ATRNL1: variants seen among roughly 807,000 people sequenced by gnomAD.
ATRNL1 encodes the protein attractin-like protein 1.
ATRNL1 carries 95 observed loss-of-function variants against 182.7 expected under a neutral mutation model. The observed-to-expected ratio is 0.52, with a 90% confidence interval of 0.44 to 0.62. ATRNL1 has a LOEUF of 0.62. Among genes scored for constraint, ATRNL1 ranks in the 20% least tolerant of loss-of-function variants. The probability of loss-of-function intolerance (pLI) is 0.00; values close to 1 mark genes in which losing one functional copy is unlikely to be tolerated. For synonymous variants in ATRNL1, 576 were observed against 568.3 expected (o/e 1.01, Z -0.19); for missense variants, 1,471 against 1,679.5 (o/e 0.88, Z 2.17).
chr10:115,298,644 A>G (rs948741761), intron 15 of ATRNL1, among the ~76,000 whole-genome samples: 1 of 152,138 alleles, frequency 6.6e-6, no homozygotes, highest in Non-Finnish European at 1.5e-5. Context: ...TCAGAATAAT[A>G]TATGAAATAT....
At chr10:115,144,528 C>T (rs1344665344) in intron 5 of ATRNL1, among the ~76,000 whole-genome samples, 1 of 152,104 alleles carries the variant, frequency 6.6e-6, no homozygotes, top group Non-Finnish European at 1.5e-5. Flanking sequence ...CTCCTGACCT[C>T]GTGGTCTGCC....
intron 28 of ATRNL1, among the ~76,000 whole-genome samples, chr10:115,851,068 C>T (rs1323712049): frequency 6.6e-6 from 1 of 152,112 alleles, no homozygotes; most frequent in African/African-American, 2.4e-5. Flanking sequence ...TAGTACTTTG[C>T]ATAATCTCAA....
chr10:115,755,067 G>T (rs563879164), intron 27 of ATRNL1, among the ~76,000 whole-genome samples: 2 of 152,188 alleles, frequency 1.3e-5, no homozygotes, highest in South Asian at 4.2e-4. Flanking sequence ...AGGAGATTTT[G>T]GGCTGAGATG....
chr10:115,218,201 G>C (rs1445460043), intron 9 of ATRNL1, among the ~76,000 whole-genome samples: 1 of 151,506 alleles, frequency 6.6e-6, no homozygotes, highest in African/African-American at 2.4e-5. Flanking sequence ...GGGGGTGATG[G>C]GAGACAGTGA....
intron 28 of ATRNL1, among the ~76,000 whole-genome samples, chr10:115,877,534 G>A (rs1475510843): frequency 6.6e-6 from 1 of 152,160 alleles, no homozygotes; most frequent in Non-Finnish European, 1.5e-5. Flanking sequence ...TCATTTATTT[G>A]TATAAACAGG....
At chr10:115,338,260 G>A (rs1053505934) in intron 19 of ATRNL1, among the ~76,000 whole-genome samples, 3 of 152,172 alleles carry the variant, frequency 2.0e-5, no homozygotes, top group African/African-American at 4.8e-5. Flanking sequence ...CCCAGCCATG[G>A]AATTGCTGGA....
intron 26 of ATRNL1, among the ~76,000 whole-genome samples, chr10:115,618,195 C>T (rs1159150295): frequency 2.6e-5 from 4 of 152,078 alleles, no homozygotes; most frequent in South Asian, 2.1e-4. Context: ...TTCTTTAGAG[C>T]GATATGATAA....
At chr10:115,893,260 G>A (rs1295920834) in intron 28 of ATRNL1, among the ~76,000 whole-genome samples, 1 of 152,192 alleles carries the variant, frequency 6.6e-6, no homozygotes, top group African/African-American at 2.4e-5. Flanking sequence ...GCAGCCAGGT[G>A]AAGTGGAGAG....
Position 115,215,887 on chromosome 10 carries a change from A to G in ATRNL1, c.1532+7A>G. ...AAGTTAACACTAAGACTTGGTGAGT[A>G]CACAAAATAACACATTTTCTATGTT... On this transcript the variant is annotated splice_region_variant and intron_variant, in intron 9 of 28. Coordinates refer to ENST00000355044, the MANE Select transcript of ATRNL1 (RefSeq NM_207303.4). The G allele has an allele frequency of 6.7e-7, 1 of 1,482,566 alleles. No homozygotes were observed. Among genetic ancestry groups the G allele is most frequent in the Non-Finnish European group, 9.0e-7 (1 of 1,113,894 alleles). 91.8% of individuals were successfully genotyped at this position (1,482,566 alleles called of 1,614,324 possible).
chr10:115,094,156 C>A (rs1256026169), intron 1 of ATRNL1, 113 bp downstream of exon 1: 5 of 1,102,930 alleles, frequency 4.5e-6, no homozygotes, highest in Non-Finnish European at 5.8e-6. Context: ...ATCCCCCGGC[C>A]GTGAGTGAAC....
chr10:115,160,042 C>T lies in ATRNL1; in HGVS notation c.832C>T (p.Pro278Ser), dbSNP rs782023065. The T allele has an allele frequency of 5.7e-6, 9 of 1,591,842 alleles. No homozygotes were observed. Among genetic ancestry groups the T allele is most frequent in the South Asian group, 3.4e-5 (3 of 87,260 alleles). ...TTGTTTCATTTTTTTTTTAATAGGTCCTGATTGTTCTTTGAATGTTCCCTC... is the reference window on the plus strand; with the variant it reads ...TTGTTTCATTTTTTTTTTAATAGGTTCTGATTGTTCTTTGAATGTTCCCTC... ...LCVCNDSWQG[P>S]DCSLNVPSTE... Residue 278 changes from proline (P) to serine (S), a missense_variant and splice_region_variant, in exon 6 of 29, where the codon CCT becomes TCT. Coordinates refer to ENST00000355044, the MANE Select transcript of ATRNL1 (RefSeq NM_207303.4).
intron 26 of ATRNL1, among the ~76,000 whole-genome samples, chr10:115,621,276 T>TATATATATATATATAGAGAGAGAGAG (rs1268020830): frequency 6.3e-5 from 3 of 47,582 alleles, no homozygotes; most frequent in Admixed American, 2.6e-4. Context: ...TATATATATA[T>TATATATATATATATAGAGAGAGAGAG]AGAGAGAGAG....
intron 28 of ATRNL1, among the ~76,000 whole-genome samples, chr10:115,869,701 T>G (rs2134412688): frequency 6.6e-6 from 1 of 152,274 alleles, no homozygotes; most frequent in African/African-American, 2.4e-5. Flanking sequence ...AACAAAAATC[T>G]TACAACCCCG....
At chr10:115,674,355 G>A (rs1335493759) in intron 26 of ATRNL1, among the ~76,000 whole-genome samples, 5 of 152,062 alleles carry the variant, frequency 3.3e-5, no homozygotes, top group African/African-American at 1.2e-4. Context: ...AGAAAGCCCT[G>A]CCAACCTCTG....
intron 27 of ATRNL1, among the ~76,000 whole-genome samples, chr10:115,761,389 T>C (rs1359549452): frequency 6.6e-6 from 1 of 152,162 alleles, no homozygotes; most frequent in African/African-American, 2.4e-5. Context: ...CAACACACAT[T>C]CCAGTGCTCT....
rs575896455 is a variant in ATRNL1 at position 115,717,688 on chromosome 10, A to T, written c.3796-9560A>T. Reference sequence around the variant, plus strand: ...TCCCTCAGCCTCCTGAGTAGCTGGGACTACAGGCGTGTGCCACTACGCCCA... The same window carrying T: ...TCCCTCAGCCTCCTGAGTAGCTGGGTCTACAGGCGTGTGCCACTACGCCCA... On this transcript the variant is annotated intron_variant, in intron 26 of 28. Transcript: ENST00000355044. 2.7e-5 allele frequency among the ~76,000 whole-genome samples: 4 copies of T among 150,830 alleles called. No homozygotes were observed. In the East Asian group the frequency reaches 8.0e-4, roughly 30 times the overall value.
At chr10:115,802,095 C>G (rs1949811723) in intron 27 of ATRNL1, among the ~76,000 whole-genome samples, 1 of 149,166 alleles carries the variant, frequency 6.7e-6, no homozygotes, top group Non-Finnish European at 1.5e-5. Context: ...CCACCACACA[C>G]ACACACCTAA....
rs575337097 is a variant in ATRNL1 at position 115,796,313 on chromosome 10, C to T, written c.3904-51564C>T. On this transcript the variant is annotated intron_variant, in intron 27 of 28. Transcript: ENST00000355044. The stretch of plus-strand genomic sequence containing the variant: ...TCCTCACCCCAATGGGGCTCTGATG[C>T]GTGTTCTGGCACACCATGGTTTCCC... Among the ~76,000 whole-genome samples, 10 of 152,176 alleles carry T rather than the reference C, an allele frequency of 6.6e-5. No homozygotes were observed. In the South Asian group the frequency reaches 1.5e-3, roughly 22 times the overall value.
At chr10:115,610,034 A>G (rs1850743884) in intron 26 of ATRNL1, among the ~76,000 whole-genome samples, 1 of 152,182 alleles carries the variant, frequency 6.6e-6, no homozygotes, top group Non-Finnish European at 1.5e-5. Context: ...GTATTATGCT[A>G]TATTCTATGC....
Sources: allele counts gnomAD v4.1 joint callset (sites outside exome capture counted in the v4.1 genomes callset), GRCh38; gene constraint gnomAD v4.1.1; transcripts MANE v1.5; gene names NCBI Gene and HGNC (gene_info 2026-07-23, HGNC 2026-07-21).